Variants in EHMT1 observed in about 807,000 individuals in gnomAD.
EHMT1 encodes histone-lysine N-methyltransferase EHMT1.
EHMT1 carries 15 observed loss-of-function variants against 147.2 expected under a neutral mutation model. The ratio of observed to expected loss-of-function variants is 0.10; its 90% CI spans 0.07 to 0.16. The LOEUF (loss-of-function observed/expected upper bound fraction) is 0.16. EHMT1 is among the 10% of genes least tolerant of loss of function. EHMT1 has a pLI of 1.00. For missense variants in EHMT1, 1,587 were observed against 1,772.4 expected (o/e 0.90, Z 1.88); for synonymous variants, 795 against 709.6 (o/e 1.12, Z -1.91).
intron 3 of EHMT1, among the ~76,000 whole-genome samples, chr9:137,717,531 G>A (rs1945454499): frequency 1.3e-5 from 2 of 149,972 alleles, no homozygotes; most frequent in African/African-American, 2.5e-5. Flanking sequence ...GATTGCTTGA[G>A]CCTGGTGGAG....
Position 137,770,752 on chromosome 9 carries a change from C to G in EHMT1, c.1648-4357C>G, listed in dbSNP as rs529497607. 3.9e-5 allele frequency among the ~76,000 whole-genome samples: 6 copies of G among 152,338 alleles called. No individual in the cohort carries two copies. In the South Asian group the frequency reaches 1.2e-3, roughly 32 times the overall value. On this transcript the variant is annotated intron_variant, in intron 10 of 26. Transcript: ENST00000460843. ...GGCTTCTGGTCTCCACCTTCCCTGC[C>G]TCCTCTGAGCACCCAGGAGCGAACC...
intron 1 of EHMT1, among the ~76,000 whole-genome samples, chr9:137,658,325 AT>A (rs1938701912): frequency 1.3e-5 from 2 of 151,992 alleles, no homozygotes; most frequent in Admixed American, 1.3e-4. Context: ...TAATTGTTGT[AT>A]TTTTAGTAGA....
intron 14 of EHMT1, among the ~76,000 whole-genome samples, chr9:137,779,937 C>T (rs1463854940): frequency 1.3e-5 from 2 of 152,256 alleles, no homozygotes; most frequent in Middle Eastern, 3.4e-3. Flanking sequence ...CTATTCTCTA[C>T]GAAGTTCTAA....
chr9:137,742,289 T>TTG (rs56080406), intron 4 of EHMT1, among the ~76,000 whole-genome samples: 9,234 of 135,008 alleles, frequency 0.068, 412 homozygotes, highest in East Asian at 0.21. Flanking sequence ...AGAACCAAAT[T>TTG]TGTGTGTGTG....
At chr9:137,717,605 CAA>C (rs1163785484) in intron 3 of EHMT1, among the ~76,000 whole-genome samples, 25 of 69,622 alleles carry the variant, frequency 3.6e-4, no homozygotes, top group Admixed American at 6.2e-4. Flanking sequence ...GACCCTGTCT[CAA>C]AAAAAAAAAA....
intron 1 of EHMT1, among the ~76,000 whole-genome samples, chr9:137,623,628 C>T (rs918299726): frequency 6.6e-6 from 1 of 151,994 alleles, no homozygotes; most frequent in Admixed American, 6.6e-5. Context: ...AACTTCTTGG[C>T]GAGGCTGCTC....
At chr9:137,620,117 G>A (rs1436932972) in intron 1 of EHMT1, 1 of 152,130 alleles carries the variant, frequency 6.6e-6, no homozygotes, top group African/African-American at 2.4e-5. Flanking sequence ...TTTGGGGGGT[G>A]TTGAAATAAG....
chr9:137,740,740 C>G (rs4585817), intron 4 of EHMT1, among the ~76,000 whole-genome samples: 21,095 of 152,228 alleles, frequency 0.14, 3,406 homozygotes, highest in African/African-American at 0.4. Flanking sequence ...GTAAGAGGCC[C>G]TTAGACACCA....
chr9:137,796,661 A>C (rs932516075), intron 16 of EHMT1, among the ~76,000 whole-genome samples: 2 of 136,546 alleles, frequency 1.5e-5, no homozygotes, highest in Non-Finnish European at 3.0e-5. Context: ...CTGAGATCGC[A>C]CCGCTGCACT....
intron 18 of EHMT1, among the ~76,000 whole-genome samples, chr9:137,801,806 T>A (rs1406144045): frequency 6.6e-6 from 1 of 152,158 alleles, no homozygotes; most frequent in African/African-American, 2.4e-5. Flanking sequence ...CCAATTTTTG[T>A]AGTTTTAGTA....
chr9:137,798,078 G>A (rs751539024), intron 16 of EHMT1, among the ~76,000 whole-genome samples: 14 of 152,228 alleles, frequency 9.2e-5, no homozygotes, highest in Non-Finnish European at 1.8e-4. Context: ...GAAAGGAAAT[G>A]AGAGGGTGTT....
chr9:137,744,882 G>C (rs1948416842), intron 6 of EHMT1, among the ~76,000 whole-genome samples: 1 of 152,260 alleles, frequency 6.6e-6, no homozygotes, highest in Non-Finnish European at 1.5e-5. Flanking sequence ...GGGCACCTGG[G>C]CCAGTGTCTC....
chr9:137,627,769 C>CG lies in EHMT1; in HGVS notation c.21+8722dup, dbSNP rs1843363307. Among the ~76,000 whole-genome samples the CG allele has an allele frequency of 2.0e-5, 3 of 148,616 alleles. No homozygotes were observed. The South Asian group carries it at 6.4e-4, about 32-fold the overall frequency. ...AGGCTGGAGTGCAGTGGTGTGATCT[C>CG]GGCTCACTGCAACCTCTGCCTCCTG... On this transcript the variant is annotated intron_variant, in intron 1 of 26. Transcript: ENST00000460843.
At chr9:137,683,436 G>A (rs185088883) in intron 1 of EHMT1, among the ~76,000 whole-genome samples, 1 of 152,330 alleles carries the variant, frequency 6.6e-6, no homozygotes, top group African/African-American at 2.4e-5. Context: ...TTTAACGACT[G>A]TGTGAATATG....
chr9:137,833,229 C>T lies in EHMT1; in HGVS notation c.3541-1120C>T, dbSNP rs1400317014. The stretch of plus-strand genomic sequence containing the variant: ...CAGGTGTCTCTGCCGGCAGGCCCCG[C>T]CCTCTCGGAACTCGGTCCTGGAAAG... On this transcript the variant is annotated intron_variant, in intron 25 of 26. Coordinates refer to ENST00000460843, the MANE Select transcript of EHMT1 (RefSeq NM_024757.5). Among the ~76,000 whole-genome samples, 4 of 152,238 alleles carry T rather than the reference C, an allele frequency of 2.6e-5. No individual in the cohort carries two copies. In the East Asian group the frequency reaches 7.7e-4, roughly 29 times the overall value.
intron 1 of EHMT1, among the ~76,000 whole-genome samples, chr9:137,662,106 A>C (rs1939146541): frequency 6.6e-6 from 1 of 152,186 alleles, no homozygotes; most frequent in South Asian, 2.1e-4. Flanking sequence ...CTGGCCAAGA[A>C]ATCTATTAAT....
intron 18 of EHMT1, among the ~76,000 whole-genome samples, chr9:137,810,544 GTTT>G (rs1954386607): frequency 6.6e-6 from 1 of 152,052 alleles, no homozygotes; most frequent in Non-Finnish European, 1.5e-5. Context: ...TCTTACCTAC[GTTT>G]TTTATTTTCT....
chr9:137,803,746 G>A (rs1035063681), intron 18 of EHMT1, among the ~76,000 whole-genome samples: 7 of 151,820 alleles, frequency 4.6e-5, no homozygotes, highest in Admixed American at 6.6e-5. Context: ...AGGTACTCGG[G>A]AGGCTAAGGT....
chr9:137,826,327 C>T (rs1015014679), intron 25 of EHMT1, among the ~76,000 whole-genome samples: 4 of 152,150 alleles, frequency 2.6e-5, no homozygotes, highest in African/African-American at 9.7e-5. Flanking sequence ...TGTTTGAGTG[C>T]CAGACATTGT....
Sources: allele counts gnomAD v4.1 joint callset (sites outside exome capture counted in the v4.1 genomes callset), GRCh38; gene constraint gnomAD v4.1.1; transcripts MANE v1.5; gene names NCBI Gene and HGNC (gene_info 2026-07-23, HGNC 2026-07-21).